Variants in CCDC88C observed in about 807,000 individuals in gnomAD.
CCDC88C encodes coiled-coil and HOOK domain protein 88C.
Under a neutral mutation model 198.8 loss-of-function variants are expected in CCDC88C, and 131 were observed. That is an observed-to-expected ratio of 0.66 (90% confidence interval 0.57 to 0.76). The LOEUF (loss-of-function observed/expected upper bound fraction) is 0.76, where lower values mean the gene tolerates loss of function less well. Ranked by LOEUF, CCDC88C falls within the 30% of genes least tolerant of loss-of-function variation. The pLI is 0.00. For missense variants in CCDC88C, 2,553 were observed against 2,631.6 expected (o/e 0.97, Z 0.65); for synonymous variants, 1,166 against 1,114.7 (o/e 1.05, Z -0.92).
At chr14:91,388,726 T>G (rs180907796) in intron 3 of CCDC88C, among the ~76,000 whole-genome samples, 54 of 152,236 alleles carry the variant, frequency 3.5e-4, no homozygotes, top group Middle Eastern at 3.4e-3. Context: ...AAACACAGAC[T>G]GAGATCCGCT....
chr14:91,315,618 C>T (rs1008903428), intron 14 of CCDC88C, 32 bp downstream of exon 14: 1 of 1,612,802 alleles, frequency 6.2e-7, no homozygotes, highest in Non-Finnish European at 8.5e-7. Flanking sequence ...GGCAGGGGTT[C>T]TAGGAGAGGC....
intron 3 of CCDC88C, among the ~76,000 whole-genome samples, chr14:91,407,914 C>T (rs757891815): frequency 1.3e-4 from 20 of 152,314 alleles, no homozygotes; most frequent in Non-Finnish European, 1.8e-4. Context: ...TCCTGAGTAG[C>T]TGGGACTACA....
intron 3 of CCDC88C, among the ~76,000 whole-genome samples, chr14:91,385,800 T>TA (rs35840990): frequency 0.19 from 28,758 of 147,808 alleles, 2,862 homozygotes; most frequent in Admixed American, 0.23. Flanking sequence ...CCTGCCTCTT[T>TA]AAAAAAAAAA....
chr14:91,343,737 C>T, intron 4 of CCDC88C, 80 bp from the exon 5 acceptor site: 1 of 1,541,408 alleles, frequency 6.5e-7, no homozygotes, highest in Non-Finnish European at 8.8e-7. Context: ...AGGGAAAAAA[C>T]AGATAAAAAA....
chr14:91,290,999 T>G lies in CCDC88C; in HGVS notation c.4198A>C (p.Lys1400Gln), dbSNP rs200133047. The G allele has an allele frequency of 6.6e-4, 1,037 of 1,569,908 alleles. 1 individual carries two copies. Among genetic ancestry groups the G allele is most frequent in the Non-Finnish European group, 8.8e-4 (1,007 of 1,146,610 alleles). Reference protein sequence around the residue: ...DQYKFYDPPPKKKNHWIGAKA... With the variant: ...DQYKFYDPPPQKKNHWIGAKA... ...ACTACACTTAAATCAACTCACTTCTTTGGAGGAGGATCATAGAACTTGTAT... is the reference window on the plus strand; with the variant it reads ...ACTACACTTAAATCAACTCACTTCTGTGGAGGAGGATCATAGAACTTGTAT... The change falls in exon 24 of 30, where the codon AAG (lysine) becomes CAG (glutamine). Residue 1400 changes from lysine (K) to glutamine (Q), a missense_variant. Lys to Gln is a moderately conservative substitution (Grantham distance 53). Around this residue, in one of 2 missense-constraint regions of CCDC88C, gnomAD observed 1,293 missense variants for 1,219.6 expected, o/e 1.06. Coordinates refer to ENST00000389857, the MANE Select transcript of CCDC88C (RefSeq NM_001080414.4).
intron 18 of CCDC88C, 71 bp from the exon 19 acceptor site, chr14:91,305,997 G>A (rs1596049432): frequency 2.0e-6 from 3 of 1,516,450 alleles, no homozygotes; most frequent in South Asian, 1.2e-5. Context: ...AGGTACTTGG[G>A]TTGTAACGAA....
In CCDC88C at chr14:91,273,984, T is replaced by C. The variant is rs1186593682; in HGVS notation, c.5059-331A>G. On this transcript the variant is annotated intron_variant, in intron 29 of 29. Coordinates refer to ENST00000389857, the MANE Select transcript of CCDC88C (RefSeq NM_001080414.4). This position sits in a 1 kb window ranked among gnomAD's most constrained non-coding sequence, Gnocchi z 5.6. Reference sequence around the variant, plus strand: ...CCCAGAAACCTCGACTATAGCCGACTGCTTCGGTCTGTCTGGTTTCCACCA... The same window carrying C: ...CCCAGAAACCTCGACTATAGCCGACCGCTTCGGTCTGTCTGGTTTCCACCA... Among the ~76,000 whole-genome samples, 1 of 152,092 alleles carries C rather than the reference T, an allele frequency of 6.6e-6. No individual in the cohort carries two copies. The highest frequency in any genetic ancestry group is 2.4e-5 in the African/African-American group (1 of 41,418).
chr14:91,322,331 T>C lies in CCDC88C; in HGVS notation c.1343-1027A>G, dbSNP rs529075863. Among the ~76,000 whole-genome samples, 4 of 152,320 alleles carry C rather than the reference T, an allele frequency of 2.6e-5. No individual in the cohort carries two copies. The East Asian group carries it at 7.7e-4, about 29-fold the overall frequency. Reference sequence around the variant, plus strand: ...GACTGAACAGCATCTCGTTTCCCTCTGAGTCTTCATCCTCTACCAAGGATA... The same window carrying C: ...GACTGAACAGCATCTCGTTTCCCTCCGAGTCTTCATCCTCTACCAAGGATA... On this transcript the variant is annotated intron_variant, in intron 12 of 29. Coordinates refer to ENST00000389857, the MANE Select transcript of CCDC88C (RefSeq NM_001080414.4).
chr14:91,340,987 GCTGTCTCTAAAAAAAAGAGACC>G (rs910052027), intron 6 of CCDC88C, among the ~76,000 whole-genome samples: 3 of 152,002 alleles, frequency 2.0e-5, no homozygotes, highest in African/African-American at 4.8e-5. Flanking sequence ...TGGGTGACAG[GCTGTCTCTAAAAAAAAGAGACC>G]CTGTCTCTAA....
chr14:91,356,818 T>C (rs781523942), intron 4 of CCDC88C, among the ~76,000 whole-genome samples: 2 of 151,644 alleles, frequency 1.3e-5, no homozygotes, highest in Non-Finnish European at 2.9e-5. Flanking sequence ...TGCCTGATGG[T>C]AGTGGGGCAG....
chr14:91,417,650 T>C lies in CCDC88C; in HGVS notation c.41A>G (p.Gln14Arg), dbSNP rs969928879. The C allele has an allele frequency of 1.2e-5, 19 of 1,589,312 alleles. No individual in the cohort carries two copies. Among genetic ancestry groups the C allele is most frequent in the Non-Finnish European group, 1.6e-5 (19 of 1,170,402 alleles). ...ACTCACCCAGGTCACCAGCGGGCTCTGCAGGAAGAGCTCCAGGAGCTCCGA... is the reference window on the plus strand; with the variant it reads ...ACTCACCCAGGTCACCAGCGGGCTCCGCAGGAAGAGCTCCAGGAGCTCCGA... Reference protein sequence around the residue: ...TVSELLELFLQSPLVTWVKTF... With the variant: ...TVSELLELFLRSPLVTWVKTF... The change falls in exon 1 of 30, where the codon CAG becomes CGG. Residue 14 changes from glutamine (Q) to arginine (R), a missense_variant. This residue lies in a region of CCDC88C where 1,260 missense variants were observed against 1,412.0 expected (regional missense o/e 0.89). Coordinates refer to ENST00000389857, the MANE Select transcript of CCDC88C (RefSeq NM_001080414.4).
chr14:91,377,272 A>G (rs1232994132), intron 3 of CCDC88C, among the ~76,000 whole-genome samples: 3 of 152,124 alleles, frequency 2.0e-5, no homozygotes, highest in African/African-American at 7.2e-5. Context: ...AGGCTGAGAC[A>G]TGAGCTTACT....
In CCDC88C at chr14:91,350,163, CT is replaced by C. The variant is rs761445863; in HGVS notation, c.341-6507del. On this transcript the variant is annotated intron_variant, in intron 4 of 29. Coordinates refer to ENST00000389857, the MANE Select transcript of CCDC88C (RefSeq NM_001080414.4). ...TAGTCATGCACATGTTCAGAAGACA[CT>C]TTTTTTTTTTTTTGGAGACAGAGTC... Among the ~76,000 whole-genome samples, 266 of 144,110 alleles carry C rather than the reference CT, an allele frequency of 1.8e-3. 1 individual carries two copies. Among genetic ancestry groups the C allele is most frequent in the Middle Eastern group, 3.6e-3 (1 of 276 alleles). The allele number at this position is 144,110 out of a possible 152,430, so 94.5% of individuals were successfully genotyped here.
At chr14:91,280,690 AC>A (rs1890159654) in intron 27 of CCDC88C, among the ~76,000 whole-genome samples, 1 of 152,134 alleles carries the variant, frequency 6.6e-6, no homozygotes, top group Non-Finnish European at 1.5e-5. Flanking sequence ...AGGGAGATGC[AC>A]CCAGCACACG....
rs770294143 is a variant in CCDC88C, at chr14:91,303,949, G to A, written c.3387C>T (p.Ser1129=). The change falls in exon 20 of 30, where the codon AGC becomes AGT. Residue 1129 remains serine, a synonymous_variant. Transcript: ENST00000389857. Reference sequence around the variant, plus strand: ...GCGTGTACTGCGCGGTGAGCGCTGCGCTCTGGGAACTCAGCGTGGAGTTCT... The same window carrying A: ...GCGTGTACTGCGCGGTGAGCGCTGCACTCTGGGAACTCAGCGTGGAGTTCT... ...QVENSTLSSQ[S]AALTAQYTLL... is the part of the protein sequence containing the mutation. 1.0e-5 allele frequency: 16 copies of A among 1,607,356 alleles called. No homozygotes were observed. Among genetic ancestry groups the A allele is most frequent in the East Asian group, 2.2e-5 (1 of 44,848 alleles).
chr14:91,309,864 A>G lies in CCDC88C; in HGVS notation c.2859T>C (p.Ser953=), dbSNP rs764850065. The G allele has an allele frequency of 6.2e-7, 1 of 1,610,046 alleles. No homozygotes were observed. The highest frequency in any genetic ancestry group is 2.2e-5 in the East Asian group (1 of 44,758). The change falls in exon 16 of 30, where the codon AGT becomes AGC. Residue 953 remains serine (S), a synonymous_variant. Coordinates refer to ENST00000389857, the MANE Select transcript of CCDC88C (RefSeq NM_001080414.4). ...ELLLQEDDSG[S]DTKYKILEGR... is the part of the protein sequence containing the mutation. Reference sequence around the variant, plus strand: ...GAGGGAGAAGAGGCCCTCACGTGTCACTGCCGCTGTCGTCCTCCTGCAACA... The same window carrying G: ...GAGGGAGAAGAGGCCCTCACGTGTCGCTGCCGCTGTCGTCCTCCTGCAACA...
Position 91,352,768 on chromosome 14 carries a change from TCAGCCTCCA to T in CCDC88C, c.340+6865_340+6873del, listed in dbSNP as rs1596103240. Among the ~76,000 whole-genome samples the T allele has an allele frequency of 5.3e-5, 8 of 152,222 alleles. No homozygotes were observed. The East Asian group carries it at 1.5e-3, about 29-fold the overall frequency. On this transcript the variant is annotated intron_variant, in intron 4 of 29. Coordinates refer to ENST00000389857, the MANE Select transcript of CCDC88C (RefSeq NM_001080414.4). This position sits in a 1 kb window ranked among gnomAD's most constrained non-coding sequence, Gnocchi z 4.2. Reference sequence around the variant, plus strand: ...CTCATGAAGCCTGAGTGGCCGACCCTCAGCCTCCACACCACACGGTGAGCAGGCATGGAG... The same window carrying T: ...CTCATGAAGCCTGAGTGGCCGACCCTCACCACACGGTGAGCAGGCATGGAG...
chr14:91,327,321 C>G (rs1670160891), intron 10 of CCDC88C, among the ~76,000 whole-genome samples: 1 of 152,240 alleles, frequency 6.6e-6, no homozygotes, highest in African/African-American at 2.4e-5. Flanking sequence ...CCAGCGGACA[C>G]AGCTTTGATC....
Position 91,393,455 on chromosome 14 carries a change from C to A in CCDC88C, c.270+15204G>T, listed in dbSNP as rs145950769. Among the ~76,000 whole-genome samples the A allele has an allele frequency of 1.2e-4, 18 of 152,294 alleles. 1 individual carries two copies. In the East Asian group the frequency reaches 2.9e-3, roughly 24 times the overall value. ...AGGAGAAGGGGTACAGACAGAAGCG[C>A]CCTCCCAGACGGCCCACACCTCAGC... On this transcript the variant is annotated intron_variant, in intron 3 of 29. Transcript: ENST00000389857.
Sources: allele counts gnomAD v4.1 joint callset (sites outside exome capture counted in the v4.1 genomes callset), GRCh38; gene constraint gnomAD v4.1.1; regional missense constraint gnomAD v4.1.1; non-coding constraint Gnocchi (gnomAD v3.1); transcripts MANE v1.5; gene names NCBI Gene and HGNC (gene_info 2026-07-23, HGNC 2026-07-21).